The following DGKZ variants were observed in gnomAD, a reference collection of about 807,000 sequenced individuals.
DGKZ encodes DAG kinase zeta.
Under a neutral mutation model 142.5 loss-of-function variants are expected in DGKZ, and 45 were observed. The ratio of observed to expected loss-of-function variants is 0.32; its 90% confidence interval spans 0.25 to 0.40. DGKZ has a LOEUF of 0.40. Among genes scored for constraint, DGKZ ranks in the 10% least tolerant of loss-of-function variants. The pLI, the probability that DGKZ is intolerant of heterozygous loss-of-function variation, is 1.00. For missense variants in DGKZ, 755 were observed against 1,306.5 expected (o/e 0.58, Z 6.51); for synonymous variants, 442 against 527.0 (o/e 0.84, Z 2.21).
intron 25 of DGKZ, 88 bp downstream of exon 25, chr11:46,377,300 C>T: frequency 6.8e-7 from 1 of 1,468,956 alleles, no homozygotes; most frequent in Non-Finnish European, 9.0e-7. Context: ...TCTAGCCCCT[C>T]CACCAGTTAA....
chr11:46,345,657 G>A (rs1940541742), upstream of DGKZ: 2 of 1,406,286 alleles, frequency 1.4e-6, no homozygotes, highest in Admixed American at 3.3e-5. This position sits in a 1 kb window ranked among gnomAD's most constrained non-coding sequence, Gnocchi z 4.1. Flanking sequence ...TCTGAGATGG[G>A]GGTGACAGAA....
chr11:46,335,908 G>A (rs905563919), intron 1 of DGKZ, among the ~76,000 whole-genome samples: 5 of 152,214 alleles, frequency 3.3e-5, no homozygotes, highest in African/African-American at 7.2e-5. Flanking sequence ...CTGGGGGACC[G>A]GGGGCTGGCA....
In DGKZ at chr11:46,353,546, C is replaced by T. The variant is rs552036306; in HGVS notation, c.161+5726C>T. ...TGTGAGCCCGTCATCATGTGGCGTC[C>T]GGGCTGGGTCTGGCGTGGAGGACAA... On this transcript the variant is annotated intron_variant, in intron 1 of 30. Coordinates refer to ENST00000527911, the Ensembl canonical transcript of DGKZ. 4.6e-5 allele frequency among the ~76,000 whole-genome samples: 7 copies of T among 152,290 alleles called. No homozygotes were observed. In the South Asian group the frequency reaches 1.5e-3, roughly 32 times the overall value.
At chr11:46,350,965 T>TGAGGAG (rs543823481) in intron 1 of DGKZ, among the ~76,000 whole-genome samples, 12 of 151,006 alleles carry the variant, frequency 7.9e-5, no homozygotes, top group Non-Finnish European at 1.3e-4. Context: ...GTCTCCTCCC[T>TGAGGAG]GAGGAGGAGG....
At chr11:46,366,674 ACACCAGGGCCAC>A in intron 1 of DGKZ, 2 of 1,586,216 alleles carry the variant, frequency 1.3e-6, no homozygotes, top group Non-Finnish European at 1.7e-6. Flanking sequence ...AGGCACCAAG[ACACCAGGGCCAC>A]CCCCACCTCG....
At chr11:46,378,344 C>T (rs1056749935) in intron 26 of DGKZ, 113 bp from the exon 27 acceptor site, 177 of 1,537,536 alleles carry the variant, frequency 1.2e-4, no homozygotes, top group Non-Finnish European at 1.5e-4. Flanking sequence ...TTGAGCTTCA[C>T]GCACCAACGG....
At chr11:46,368,241 C>A in intron 4 of DGKZ, 162 bp downstream of exon 4, 1 of 746,950 alleles carries the variant, frequency 1.3e-6, no homozygotes, top group Non-Finnish European at 2.4e-6. Context: ...GCGTTCGAAT[C>A]CTGGCTCCTC....
chr11:46,360,311 C>T (rs1942499460), intron 1 of DGKZ, among the ~76,000 whole-genome samples: 1 of 152,038 alleles, frequency 6.6e-6, no homozygotes, highest in Non-Finnish European at 1.5e-5. Flanking sequence ...TCAGTTTTAA[C>T]ATCTGATATG....
At chr11:46,346,029 C>T (rs1940577692), upstream of DGKZ, among the ~76,000 whole-genome samples, 1 of 152,184 alleles carries the variant, frequency 6.6e-6, no homozygotes, top group Admixed American at 6.5e-5. Flanking sequence ...ATTGATCTGC[C>T]CTCCTCCTGG....
chr11:46,372,564 C>G lies in DGKZ; in HGVS notation c.1011-53C>G. ...ACATGGGGGGGAACTTGCCTCACTCCTGGGGTACAGCACACATCCCCTGAC... is the reference window on the plus strand; with the variant it reads ...ACATGGGGGGGAACTTGCCTCACTCGTGGGGTACAGCACACATCCCCTGAC... On this transcript the variant is annotated intron_variant, in intron 11 of 30. Transcript: ENST00000527911. The surrounding 1 kb of genome is among the most constrained non-coding windows in gnomAD (Gnocchi z 5.9). The G allele has an allele frequency of 3.1e-6, 5 of 1,613,760 alleles. No individual in the cohort carries two copies. Among genetic ancestry groups the G allele is most frequent in the Non-Finnish European group, 2.5e-6 (3 of 1,179,872 alleles).
chr11:46,365,680 G>A, intron 1 of DGKZ: 1 of 985,400 alleles, frequency 1.0e-6, no homozygotes, highest in Non-Finnish European at 1.2e-6. Flanking sequence ...AAGTTCCTTT[G>A]CAGAGAGCCT....
chr11:46,376,931 G>C (rs149254241), intron 24 of DGKZ, 142 bp from the exon 25 acceptor site: 727 of 725,530 alleles, frequency 1.0e-3, no homozygotes, highest in Non-Finnish European at 1.4e-3. Context: ...GAGTGGGAGA[G>C]GGACAGGCAG....
chr11:46,353,505 G>A (rs949575023), intron 1 of DGKZ, among the ~76,000 whole-genome samples: 1 of 152,200 alleles, frequency 6.6e-6, no homozygotes, highest in African/African-American at 2.4e-5. Flanking sequence ...GAGACCCTTG[G>A]TAAAGAGACT....
intron 1 of DGKZ, among the ~76,000 whole-genome samples, chr11:46,360,790 A>C (rs1038610798): frequency 7.0e-6 from 1 of 143,348 alleles, no homozygotes; most frequent in African/African-American, 2.5e-5. Flanking sequence ...CATCTCAAAG[A>C]AAAAAAAAAA....
chr11:46,365,928 A>G (rs1288646587), intron 1 of DGKZ: 12 of 985,272 alleles, frequency 1.2e-5, no homozygotes, highest in Non-Finnish European at 1.4e-5. Context: ...GGATGGGGGA[A>G]GAAGGGGTAG....
Position 46,367,577 on chromosome 11 carries a change from G to A in DGKZ, c.271-75G>A. On this transcript the variant is annotated intron_variant, in intron 2 of 30. Transcript: ENST00000527911. The surrounding 1 kb of genome is among the most constrained non-coding windows in gnomAD (Gnocchi z 4.1). ...CTGGAGTGGGTTTGTCTTGGGAGAG[G>A]GCGGGTGGGCGGGGGCTGATGGGAG... The A allele has an allele frequency of 1.5e-6, 2 of 1,356,606 alleles. No individual in the cohort carries two copies. The highest frequency in any genetic ancestry group is 2.0e-6 in the Non-Finnish European group (2 of 1,001,606). 84.0% of individuals were successfully genotyped at this position (1,356,606 alleles called of 1,614,324 possible). A position where few individuals can be genotyped will look rare whatever the true frequency, so the allele number is the denominator to read the frequency against.
chr11:46,379,391 CTT>C, intron 29 of DGKZ, 76 bp from the exon 30 acceptor site: 1 of 1,573,372 alleles, frequency 6.4e-7, no homozygotes, highest in Non-Finnish European at 8.7e-7. Flanking sequence ...ACTTCCTGCC[CTT>C]TCTGATGGCC....
At position 46,378,241 on chromosome 11, in the gene DGKZ, C is replaced by T. The variant is rs1414912523; in HGVS notation, c.2374+12C>T. 3 of 1,601,568 alleles carry T rather than the reference C, an allele frequency of 1.9e-6. No homozygotes were observed. The highest frequency in any genetic ancestry group is 2.6e-6 in the Non-Finnish European group (3 of 1,174,416). ...TGCACCCCCTCAAGGTGAGGCCTCT[C>T]CCTCTGGGGCCCCTCCTTTCTGCCT... On this transcript the variant is annotated intron_variant, in intron 26 of 30. Coordinates refer to ENST00000527911, the Ensembl canonical transcript of DGKZ.
upstream of DGKZ, among the ~76,000 whole-genome samples, chr11:46,343,524 C>A (rs372926764): frequency 6.6e-6 from 1 of 152,104 alleles, no homozygotes; most frequent in Non-Finnish European, 1.5e-5. Context: ...TAGAGCAGGG[C>A]GATTAAAGAA....
Sources: allele counts gnomAD v4.1 joint callset (sites outside exome capture counted in the v4.1 genomes callset), GRCh38; gene constraint gnomAD v4.1.1; non-coding constraint Gnocchi (gnomAD v3.1); transcripts MANE v1.5; gene names NCBI Gene and HGNC (gene_info 2026-07-23, HGNC 2026-07-21).